The following MTMR10 variants were observed in gnomAD, a reference collection of about 807,000 sequenced individuals.
The protein encoded by MTMR10 is myotubularin related protein 10, also known as myotubularin-related protein 10.
A neutral mutation model predicts 88.1 loss-of-function variants in MTMR10; 56 were observed. That is an observed-to-expected ratio of 0.64 (90% CI 0.51 to 0.79). The LOEUF (loss-of-function observed/expected upper bound fraction) is 0.79, where lower values mean the gene tolerates loss of function less well. MTMR10 is among the 30% of genes least tolerant of loss of function. The pLI, the probability that MTMR10 is intolerant of heterozygous loss-of-function variation, is 0.00. For missense variants in MTMR10, 883 were observed against 924.7 expected (o/e 0.95, Z 0.58); for synonymous variants, 380 against 340.9 (o/e 1.11, Z -1.26).
In MTMR10 at chr15:30,983,627, T is replaced by C. The variant is rs74337062; in HGVS notation, c.122-6672A>G. On this transcript the variant is annotated intron_variant, in intron 2 of 15. Transcript: ENST00000435680. ...GTGGCTAATTAACCTGTGGGATGTG[T>C]AGAGGCCAAAAGCATAACTTAACTT... Among the ~76,000 whole-genome samples the C allele has an allele frequency of 2.2e-4, 34 of 152,256 alleles. No homozygotes were observed. In the East Asian group the frequency reaches 6.2e-3, roughly 28 times the overall value.
rs145985032 is a variant in MTMR10, at chr15:30,941,272, G to A, written c.*198C>T. 2.6e-4 allele frequency: 384 copies of A among 1,487,132 alleles called. 2 individuals are homozygous for A. In the African/African-American group the frequency reaches 4.7e-3, roughly 18 times the overall value. 92.1% of individuals were successfully genotyped at this position (1,487,132 alleles called of 1,614,324 possible). ...GCCAGACCTGTAATGACAGAAAGAG[G>A]ACAGGAACAAAATTTACATCTCTCT... is the stretch of plus-strand genomic sequence containing the variant. On this transcript the variant is annotated 3_prime_UTR_variant, in exon 16 of 16. Coordinates refer to ENST00000435680, the MANE Select transcript of MTMR10 (RefSeq NM_017762.3).
downstream of MTMR10, among the ~76,000 whole-genome samples, chr15:30,935,148 C>T (rs910553900): frequency 1.3e-5 from 2 of 151,670 alleles, no homozygotes; most frequent in Admixed American, 6.6e-5. Context: ...CTCTACAAAA[C>T]GATAAACAAA....
intron 2 of MTMR10, among the ~76,000 whole-genome samples, chr15:30,980,160 T>C (rs1190498961): frequency 1.3e-5 from 2 of 152,202 alleles, no homozygotes; most frequent in African/African-American, 4.8e-5. Flanking sequence ...GTGAAGCACC[T>C]GAAAAGCAGG....
the MTMR10 span, chr15:30,930,440 A>T: frequency 1.5e-6 from 2 of 1,371,308 alleles, no homozygotes; most frequent in Non-Finnish European, 1.9e-6. Context: ...ATGTGCACTG[A>T]ATTACATATA....
rs1352103488 is a variant in MTMR10, at chr15:30,939,956, T to G, written c.*1514A>C. On this transcript the variant is annotated 3_prime_UTR_variant, in exon 16 of 16. Coordinates refer to ENST00000435680, the MANE Select transcript of MTMR10 (RefSeq NM_017762.3). ...AGATATTTTTTAAGAACTCCTGTCC[T>G]GTTATATCCAGAGACATTATCAAAT... is the stretch of plus-strand genomic sequence containing the variant. The G allele has an allele frequency of 2.0e-6, 2 of 983,854 alleles. No individual in the cohort carries two copies. Among genetic ancestry groups the G allele is most frequent in the Non-Finnish European group, 2.4e-6 (2 of 828,572 alleles). 60.9% of individuals were successfully genotyped at this position (983,854 alleles called of 1,614,324 possible).
the MTMR10 span, chr15:30,927,180 G>C: frequency 2.1e-6 from 2 of 968,514 alleles, no homozygotes; most frequent in Non-Finnish European, 2.5e-6. Flanking sequence ...CTGCACTCCA[G>C]TCTGGGTGAC....
At position 30,941,291 on chromosome 15, in the gene MTMR10, T is replaced by A. The variant is rs2063041820; in HGVS notation, c.*179A>T. 10 of 1,511,202 alleles carry A rather than the reference T, an allele frequency of 6.6e-6. No homozygotes were observed. The African/African-American group carries it at 9.6e-5, about 15-fold the overall frequency. 93.6% of individuals were successfully genotyped at this position (1,511,202 alleles called of 1,614,324 possible). A position where few individuals can be genotyped will look rare whatever the true frequency, so the allele number is the denominator to read the frequency against. On this transcript the variant is annotated 3_prime_UTR_variant, in exon 16 of 16. Coordinates refer to ENST00000435680, the MANE Select transcript of MTMR10 (RefSeq NM_017762.3). ...AAAGAGGACAGGAACAAAATTTACATCTCTCTTAAAATAAGTGTGAAAGAA... is the reference window on the plus strand; with the variant it reads ...AAAGAGGACAGGAACAAAATTTACAACTCTCTTAAAATAAGTGTGAAAGAA...
At position 30,943,166 on chromosome 15, in the gene MTMR10, G is replaced by C. The variant is rs535245760; in HGVS notation, c.1549-94C>G. ...CCACTCATCATTACACAGGTTAAATGTTCTGTACTGCAGCCCTCAAAACCC... is the reference window on the plus strand; with the variant it reads ...CCACTCATCATTACACAGGTTAAATCTTCTGTACTGCAGCCCTCAAAACCC... On this transcript the variant is annotated intron_variant, in intron 14 of 15. Coordinates refer to ENST00000435680, the MANE Select transcript of MTMR10 (RefSeq NM_017762.3). The C allele has an allele frequency of 4.8e-6, 7 of 1,464,302 alleles. No individual in the cohort carries two copies. In the Admixed American group the frequency reaches 1.6e-4, roughly 32 times the overall value. The allele number at this position is 1,464,302 out of a possible 1,614,324, so 90.7% of individuals were successfully genotyped here.
chr15:30,943,789 G>A (rs1165790578), intron 14 of MTMR10: 2 of 985,460 alleles, frequency 2.0e-6, no homozygotes, highest in Middle Eastern at 1.0e-3. Context: ...GCATTGTGAG[G>A]AAGACATGGA....
At chr15:30,960,211 T>C (rs1378213297) in intron 7 of MTMR10, among the ~76,000 whole-genome samples, 1 of 152,160 alleles carries the variant, frequency 6.6e-6, no homozygotes, top group African/African-American at 2.4e-5. Flanking sequence ...AGAGGGGAAC[T>C]TTTACTGGGT....
At chr15:30,919,209 C>T in the MTMR10 span, among the ~76,000 whole-genome samples, 9 of 151,562 alleles carry the variant, frequency 5.9e-5, no homozygotes, top group African/African-American at 1.9e-4. Flanking sequence ...GGAGAAACCT[C>T]GTCTCTACTA....
At chr15:30,957,976 AG>A (rs1278481737) in intron 9 of MTMR10, among the ~76,000 whole-genome samples, 2 of 152,098 alleles carry the variant, frequency 1.3e-5, no homozygotes, top group Non-Finnish European at 1.5e-5. Context: ...AAACCTGAGG[AG>A]GGATTGGTGA....
chr15:30,931,414 C>T, the MTMR10 span, among the ~76,000 whole-genome samples: 1 of 152,118 alleles, frequency 6.6e-6, no homozygotes, highest in African/African-American at 2.4e-5. Context: ...TTTTGAAGAG[C>T]AGAGGTTTCA....
chr15:30,951,190 T>C (rs1481408806), intron 12 of MTMR10, among the ~76,000 whole-genome samples: 3 of 152,222 alleles, frequency 2.0e-5, no homozygotes, highest in Non-Finnish European at 4.4e-5. Context: ...AACTGAAAGA[T>C]TTTTACATCA....
intron 2 of MTMR10, among the ~76,000 whole-genome samples, chr15:30,980,898 T>C (rs376093174): frequency 2.6e-5 from 4 of 152,216 alleles, no homozygotes; most frequent in South Asian, 2.1e-4. Context: ...GAATCCATAC[T>C]GTTGTCAACA....
At chr15:30,982,503 G>GA (rs904473035) in intron 2 of MTMR10, among the ~76,000 whole-genome samples, 2 of 150,530 alleles carry the variant, frequency 1.3e-5, no homozygotes, top group African/African-American at 2.4e-5. Flanking sequence ...AAAGAAAAAA[G>GA]AAAAAAAAAG....
At chr15:30,984,465 T>C (rs2030806815) in intron 2 of MTMR10, among the ~76,000 whole-genome samples, 1 of 152,218 alleles carries the variant, frequency 6.6e-6, no homozygotes, top group Non-Finnish European at 1.5e-5. Context: ...TCTACAATCA[T>C]TTATGAAGCC....
the MTMR10 span, chr15:30,927,468 A>G: frequency 1.0e-6 from 1 of 985,672 alleles, no homozygotes; most frequent in Non-Finnish European, 1.2e-6. Flanking sequence ...ACAGGAAGAC[A>G]GGACAGAGAG....
chr15:30,941,803 C>T lies in MTMR10; in HGVS notation c.2001G>A (p.Glu667=), dbSNP rs530080289. 4.3e-6 allele frequency: 7 copies of T among 1,614,010 alleles called. No individual in the cohort carries two copies. In the South Asian group the frequency reaches 4.4e-5, roughly 10 times the overall value. Reference sequence around the variant, plus strand: ...TGGAGCCACCCAGGCTGATCTGGGCCTCGGGAACCCAGCGGAAGTAGCACA... The same window carrying T: ...TGGAGCCACCCAGGCTGATCTGGGCTTCGGGAACCCAGCGGAAGTAGCACA... ...WKLCYFRWVP[E]AQISLGGSIT... Residue 667 remains glutamate, a synonymous_variant, in exon 16 of 16, where the codon GAG becomes GAA. Transcript: ENST00000435680.
Sources: allele counts gnomAD v4.1 joint callset (sites outside exome capture counted in the v4.1 genomes callset), GRCh38; gene constraint gnomAD v4.1.1; transcripts MANE v1.5; gene names NCBI Gene and HGNC (gene_info 2026-07-23, HGNC 2026-07-21).